Variants in ERBB4 observed in about 807,000 individuals in gnomAD.
The protein encoded by ERBB4 is erb-b2 receptor tyrosine kinase 4.
A neutral mutation model predicts 158.0 loss-of-function variants in ERBB4; 42 were observed. That is an observed-to-expected ratio of 0.27 (90% CI 0.21 to 0.34). The LOEUF is 0.34. Among genes scored for constraint, ERBB4 ranks in the 10% least tolerant of loss-of-function variants. The probability of loss-of-function intolerance (pLI) is 1.00; values close to 1 mark genes in which losing one functional copy is unlikely to be tolerated. For missense variants in ERBB4, 1,333 were observed against 1,624.1 expected (o/e 0.82, Z 3.08); for synonymous variants, 583 against 558.7 (o/e 1.04, Z -0.61).
chr2:211,634,019 C>G (rs4673625), intron 16 of ERBB4, among the ~76,000 whole-genome samples: 116,623 of 152,108 alleles, frequency 0.77, 47,462 homozygotes, highest in Non-Finnish European at 0.89. Context: ...ATCAGCTGGG[C>G]GTGGTGGCAT....
intron 1 of ERBB4, among the ~76,000 whole-genome samples, chr2:212,330,836 G>A (rs1404003673): frequency 6.6e-6 from 1 of 150,956 alleles, no homozygotes; most frequent in Admixed American, 6.6e-5. Flanking sequence ...ATATTCCTAG[G>A]AACTAGGATT....
intron 2 of ERBB4, among the ~76,000 whole-genome samples, chr2:211,981,293 C>A (rs567450546): frequency 3.3e-5 from 5 of 152,244 alleles, no homozygotes; most frequent in African/African-American, 1.2e-4. Flanking sequence ...ATGAGGAAAG[C>A]TTACTTCATT....
chr2:212,217,371 G>T (rs1261973833), intron 1 of ERBB4, among the ~76,000 whole-genome samples: 4 of 151,108 alleles, frequency 2.6e-5, no homozygotes, highest in Non-Finnish European at 4.4e-5. Flanking sequence ...TAAAACTGAG[G>T]TTAAATGTGT....
Position 211,580,808 on chromosome 2 carries a change from ATATAAT to A in ERBB4, c.2302-18726_2302-18721del, listed in dbSNP as rs1386242536. 2.9e-3 allele frequency among the ~76,000 whole-genome samples: 152 copies of A among 53,022 alleles called. 16 individuals carry two copies. Among genetic ancestry groups the A allele is most frequent in the East Asian group, 0.027 (57 of 2,136 alleles). The allele number at this position is 53,022 out of a possible 152,430, so 34.8% of individuals were successfully genotyped here. On this transcript the variant is annotated intron_variant, in intron 19 of 27. Transcript: ENST00000342788. Reference sequence around the variant, plus strand: ...TTGTGATATATATATATATATATATATATAATATATATATATTATATATATAGATTA... The same window carrying A: ...TTGTGATATATATATATATATATATAATATATATATTATATATATAGATTA...
intron 11 of ERBB4, 139 bp downstream of exon 11, chr2:211,703,965 G>C: frequency 1.4e-6 from 1 of 713,942 alleles, no homozygotes; most frequent in Non-Finnish European, 2.6e-6. Context: ...TTTTTATTGA[G>C]CTTATCTTTG....
chr2:211,935,052 C>A (rs958011078), intron 3 of ERBB4, among the ~76,000 whole-genome samples: 8 of 151,984 alleles, frequency 5.3e-5, no homozygotes, highest in Admixed American at 1.3e-4. Context: ...CCCCTTTCTT[C>A]TCAGAATCCC....
At chr2:212,043,351 A>G (rs536536050) in intron 2 of ERBB4, among the ~76,000 whole-genome samples, 3 of 152,110 alleles carry the variant, frequency 2.0e-5, no homozygotes, top group Non-Finnish European at 4.4e-5. Context: ...CTTTGTTAGA[A>G]CCTGCATTTG....
chr2:212,002,909 A>AG (rs1293733527), intron 2 of ERBB4, among the ~76,000 whole-genome samples: 1 of 151,620 alleles, frequency 6.6e-6, no homozygotes, highest in Non-Finnish European at 1.5e-5. Flanking sequence ...AAGTAAAAAA[A>AG]TATTAGCTGG....
chr2:211,471,779 G>C (rs2064833537), intron 20 of ERBB4, among the ~76,000 whole-genome samples: 1 of 152,074 alleles, frequency 6.6e-6, no homozygotes, highest in African/African-American at 2.4e-5. Context: ...CTCAATCAGA[G>C]GGACAGCAGA....
At chr2:212,432,628 T>C (rs2092053416) in intron 1 of ERBB4, among the ~76,000 whole-genome samples, 1 of 152,148 alleles carries the variant, frequency 6.6e-6, no homozygotes, top group South Asian at 2.1e-4. Context: ...AATTAGCAGT[T>C]ATATTAGCTC....
chr2:212,228,470 T>G (rs1444791796), intron 1 of ERBB4, among the ~76,000 whole-genome samples: 1 of 152,166 alleles, frequency 6.6e-6, no homozygotes, highest in Non-Finnish European at 1.5e-5. Flanking sequence ...TCCAATAGAA[T>G]TATGAATCTT....
intron 1 of ERBB4, among the ~76,000 whole-genome samples, chr2:212,191,021 C>T (rs2082171988): frequency 6.6e-6 from 1 of 151,790 alleles, no homozygotes. Flanking sequence ...CTGATCAACA[C>T]AGCCCTAAGG....
chr2:211,744,793 G>A (rs1328374698), intron 5 of ERBB4, among the ~76,000 whole-genome samples: 1 of 152,200 alleles, frequency 6.6e-6, no homozygotes, highest in Non-Finnish European at 1.5e-5. Flanking sequence ...CTTAGCTGAG[G>A]TGTGGGGCTT....
At chr2:212,036,730 C>T (rs1559362029) in intron 2 of ERBB4, among the ~76,000 whole-genome samples, 1 of 152,136 alleles carries the variant, frequency 6.6e-6, no homozygotes, top group Non-Finnish European at 1.5e-5. Flanking sequence ...TGACAAAGTG[C>T]TGGGATTACA....
intron 1 of ERBB4, among the ~76,000 whole-genome samples, chr2:212,206,676 T>A (rs2105916025): frequency 6.7e-6 from 1 of 149,430 alleles, no homozygotes; most frequent in East Asian, 2.0e-4. Flanking sequence ...AAGCTCCGCC[T>A]CCCGGGTTCA....
intron 1 of ERBB4, among the ~76,000 whole-genome samples, chr2:212,512,497 GT>G (rs1175325262): frequency 6.6e-6 from 1 of 152,010 alleles, no homozygotes; most frequent in Non-Finnish European, 1.5e-5. Flanking sequence ...TGTTTGCATG[GT>G]TTTTGTTTGT....
chr2:212,066,932 A>T (rs1391813570), intron 2 of ERBB4, among the ~76,000 whole-genome samples: 2 of 152,030 alleles, frequency 1.3e-5, no homozygotes, highest in Non-Finnish European at 2.9e-5. Flanking sequence ...ACTGCTAACC[A>T]ATATCAAACA....
At chr2:211,401,350 AT>A (rs1181243265) in intron 25 of ERBB4, among the ~76,000 whole-genome samples, 1 of 151,970 alleles carries the variant, frequency 6.6e-6, no homozygotes, top group African/African-American at 2.4e-5. Context: ...AGAAATTCAC[AT>A]TTTTTACAGA....
At chr2:212,496,445 A>C (rs1404763246) in intron 1 of ERBB4, among the ~76,000 whole-genome samples, 2 of 152,168 alleles carry the variant, frequency 1.3e-5, no homozygotes, top group Non-Finnish European at 2.9e-5. Flanking sequence ...TAATTGGACA[A>C]AGTATTAAAA....
Sources: allele counts gnomAD v4.1 joint callset (sites outside exome capture counted in the v4.1 genomes callset), GRCh38; gene constraint gnomAD v4.1.1; transcripts MANE v1.5; gene names NCBI Gene and HGNC (gene_info 2026-07-23, HGNC 2026-07-21).